Variants in COPG1 observed in about 807,000 individuals in gnomAD.
COPG1 encodes the protein coatomer subunit gamma-1.
A neutral mutation model predicts 102.8 loss-of-function variants in COPG1; 29 were observed. The observed-to-expected ratio is 0.28, with a 90% CI of 0.21 to 0.38. The LOEUF (loss-of-function observed/expected upper bound fraction) is 0.38. COPG1 is among the 10% of genes least tolerant of loss of function. The probability of loss-of-function intolerance (pLI) is 1.00; values close to 1 mark genes in which losing one functional copy is unlikely to be tolerated. For missense variants in COPG1, 875 were observed against 1,132.7 expected (o/e 0.77, Z 3.27); for synonymous variants, 406 against 421.6 (o/e 0.96, Z 0.45).
rs1328255275 is a variant in COPG1 at position 129,268,985 on chromosome 3, CAGG to C, written c.1831_1833del (p.Glu611del). 3.1e-6 allele frequency: 5 copies of C among 1,614,074 alleles called. No individual in the cohort carries two copies. Among genetic ancestry groups the C allele is most frequent in the Non-Finnish European group, 4.2e-6 (5 of 1,179,966 alleles). On this transcript the variant is annotated inframe_deletion, in exon 18 of 24. Transcript: ENST00000314797. ...GCCTGAGAAAGTGGCAGCTACCAGG[CAGG>C]AGATCTTCCAGGGTGAGTCACAGTG...
rs1367443681 is a variant in COPG1 at position 129,277,582 on chromosome 3, C to T, written c.*158C>T. The stretch of plus-strand genomic sequence containing the variant: ...TTTTATTCTGCTCCCACCTCCCACC[C>T]GGGACTACTTGCTGGTGACTTTTTT... On this transcript the variant is annotated 3_prime_UTR_variant, in exon 24 of 24. Coordinates refer to ENST00000314797, the MANE Select transcript of COPG1 (RefSeq NM_016128.4). 3.4e-5 allele frequency: 21 copies of T among 613,860 alleles called. No homozygotes were observed. Among genetic ancestry groups the T allele is most frequent in the East Asian group, 9.6e-5 (3 of 31,344 alleles). 38.0% of individuals were successfully genotyped at this position (613,860 alleles called of 1,614,324 possible). A position where few individuals can be genotyped will look rare whatever the true frequency, so the allele number is the denominator to read the frequency against.
chr3:129,251,159 G>A (rs1391398697), intron 2 of COPG1, among the ~76,000 whole-genome samples: 3 of 150,660 alleles, frequency 2.0e-5, no homozygotes, highest in Admixed American at 6.6e-5. Flanking sequence ...TCCTGACCTC[G>A]TGATCCACCC....
At position 129,250,590 on chromosome 3, in the gene COPG1, T is replaced by A; in HGVS notation, c.38-92T>A. On this transcript the variant is annotated intron_variant, in intron 1 of 23. Coordinates refer to ENST00000314797, the MANE Select transcript of COPG1 (RefSeq NM_016128.4). ...TGAGGAGTTTGAACTTTACTAGATT[T>A]CCTAGGAAGGGACATCTTCCCTTTA... The A allele has an allele frequency of 7.8e-6, 8 of 1,020,690 alleles. No individual in the cohort carries two copies. In the South Asian group the frequency reaches 9.2e-5, roughly 12 times the overall value. 63.2% of individuals were successfully genotyped at this position (1,020,690 alleles called of 1,614,324 possible). A position where few individuals can be genotyped will look rare whatever the true frequency, so the allele number is the denominator to read the frequency against.
intron 4 of COPG1, 78 bp downstream of exon 4, chr3:129,252,772 C>A: frequency 1.3e-6 from 2 of 1,540,650 alleles, no homozygotes; most frequent in Non-Finnish European, 1.8e-6. Context: ...GAGCTGGCCC[C>A]ACCAGTCAGT....
chr3:129,277,350 A>G lies in COPG1; in HGVS notation c.2551A>G (p.Thr851Ala), dbSNP rs767593164. ...GCGCTCCCGGCTGCTGCTTTTGGAC[A>G]CAGTGACAATGCAGGTGACAGCCAG... ...LVRSRLLLLD[T>A]VTMQVTARSL... Residue 851 changes from threonine to alanine, a missense_variant, in exon 24 of 24, where the codon ACA (threonine) becomes GCA (alanine). Physicochemically the swap from Thr to Ala is moderately conservative, Grantham distance 58. Coordinates refer to ENST00000314797, the MANE Select transcript of COPG1 (RefSeq NM_016128.4). The G allele has an allele frequency of 6.2e-7, 1 of 1,614,016 alleles. No homozygotes were observed.
At chr3:129,258,702 C>T (rs541146350) in intron 10 of COPG1, among the ~76,000 whole-genome samples, 4 of 152,264 alleles carry the variant, frequency 2.6e-5, no homozygotes, top group Non-Finnish European at 5.9e-5. Context: ...ATGATCCGCC[C>T]GCCTCGGCCT....
chr3:129,264,033 C>A, intron 13 of COPG1, 34 bp downstream of exon 13: 1 of 1,559,604 alleles, frequency 6.4e-7, no homozygotes, highest in South Asian at 1.1e-5. Flanking sequence ...GATGCCAGGT[C>A]TCCTGGTGCA....
Position 129,260,587 on chromosome 3 carries a change from C to T in COPG1, c.940-32C>T, listed in dbSNP as rs746190956. The T allele has an allele frequency of 4.4e-6, 7 of 1,608,008 alleles. 1 individual carries two copies. The African/African-American group carries it at 9.4e-5, about 21-fold the overall frequency. ...CAAATGTAGTGACAGCATTGGGTTC[C>T]TGCCCTCTCTGTCACTGTCCTCCCA... On this transcript the variant is annotated intron_variant, in intron 11 of 23. Coordinates refer to ENST00000314797, the MANE Select transcript of COPG1 (RefSeq NM_016128.4).
chr3:129,272,474 G>A, intron 20 of COPG1, 59 bp downstream of exon 20: 1 of 1,450,326 alleles, frequency 6.9e-7, no homozygotes, highest in South Asian at 1.3e-5. Flanking sequence ...TCAGGAGGAG[G>A]TGGGCGGCTG....
chr3:129,277,243 C>T (rs890144314), intron 23 of COPG1, 51 bp from the exon 24 acceptor site: 2 of 1,603,950 alleles, frequency 1.2e-6, no homozygotes, highest in East Asian at 2.2e-5. Context: ...TTAGCCTGCC[C>T]TGTACAGTCC....
intron 2 of COPG1, 65 bp from the exon 3 acceptor site, chr3:129,252,216 A>C (rs1189421432): frequency 6.1e-6 from 7 of 1,155,726 alleles, no homozygotes; most frequent in Non-Finnish European, 9.2e-6. Context: ...CTTCTCAGAC[A>C]TTGAATATAC....
intron 1 of COPG1, 140 bp downstream of exon 1, chr3:129,249,886 A>G (rs1576957627): frequency 2.5e-6 from 2 of 814,470 alleles, no homozygotes; most frequent in Admixed American, 3.0e-5. Flanking sequence ...AGTCAGTGGC[A>G]GGCCTCGGAG....
intron 1 of COPG1, among the ~76,000 whole-genome samples, chr3:129,250,331 A>T (rs1939667749): frequency 6.6e-6 from 1 of 152,170 alleles, no homozygotes; most frequent in South Asian, 2.1e-4. Flanking sequence ...TTATTTGCAA[A>T]TGTGTCATCT....
In COPG1 at chr3:129,249,757, C is replaced by T. The variant is rs200921445; in HGVS notation, c.37+11C>T. On this transcript the variant is annotated intron_variant, in intron 1 of 23. Coordinates refer to ENST00000314797, the MANE Select transcript of COPG1 (RefSeq NM_016128.4). ...AGGATGAGGAGTCAGGTGAGGGGGC[C>T]AGGCCTGGGTCTGAGGGAGGCCGGA... 1.9e-5 allele frequency: 30 copies of T among 1,551,058 alleles called. No homozygotes were observed. The East Asian group carries it at 6.6e-4, about 34-fold the overall frequency.
chr3:129,264,749 C>T (rs1330350432), intron 13 of COPG1, among the ~76,000 whole-genome samples: 3 of 151,566 alleles, frequency 2.0e-5, no homozygotes, highest in African/African-American at 7.3e-5. Flanking sequence ...CACCCAAGTT[C>T]TGGGATTACA....
intron 10 of COPG1, among the ~76,000 whole-genome samples, chr3:129,259,106 G>T (rs1416757852): frequency 6.6e-6 from 1 of 152,098 alleles, no homozygotes; most frequent in East Asian, 1.9e-4. Context: ...TGTAAACTTG[G>T]TCAGGCAAAC....
intron 12 of COPG1, among the ~76,000 whole-genome samples, chr3:129,261,013 C>T (rs568615185): frequency 1.8e-4 from 27 of 152,296 alleles, no homozygotes; most frequent in African/African-American, 6.3e-4. Flanking sequence ...CATATCGTCC[C>T]CTTGTACTGA....
chr3:129,252,420 A>G, intron 3 of COPG1, 59 bp downstream of exon 3: 1 of 1,258,746 alleles, frequency 7.9e-7, no homozygotes, highest in Non-Finnish European at 1.2e-6. Context: ...AGGGGAGTGG[A>G]CAAATCATGA....
At position 129,271,741 on chromosome 3, in the gene COPG1, G is replaced by A; in HGVS notation, c.1844-26G>A. ...AAGTTGGTCTGGGGATCGAGAAGCT[G>A]AGTGAATGTGGCCTGTGGATTTCAG... On this transcript the variant is annotated intron_variant, in intron 18 of 23. Transcript: ENST00000314797. This position sits in a 1 kb window ranked among gnomAD's most constrained non-coding sequence, Gnocchi z 4.7. The A allele has an allele frequency of 6.2e-7, 1 of 1,612,312 alleles. No individual in the cohort carries two copies.
Sources: gnomAD v4.1 joint callset for allele counts (sites outside exome capture counted in the v4.1 genomes callset) on GRCh38, gnomAD v4.1.1 for gene constraint, Gnocchi (gnomAD v3.1) non-coding constraint, MANE v1.5 for transcripts, NCBI Gene and HGNC (gene_info 2026-07-23, HGNC 2026-07-21) for gene names.